Variants in EIPR1 observed in about 807,000 individuals in gnomAD.
EIPR1 encodes the protein EARP and GARP complex-interacting protein 1.
In EIPR1, 25 loss-of-function variants were observed where a neutral mutation model predicts 48.1. The ratio of observed to expected loss-of-function variants is 0.52; its 90% CI spans 0.38 to 0.73. The LOEUF (loss-of-function observed/expected upper bound fraction) is 0.73, where lower values mean the gene tolerates loss of function less well. Ranked by LOEUF, EIPR1 falls within the 30% of genes least tolerant of loss-of-function variation. The pLI is 0.00. For missense variants in EIPR1, 415 were observed against 506.2 expected (o/e 0.82, Z 1.73); for synonymous variants, 204 against 201.9 (o/e 1.01, Z -0.09).
intron 2 of EIPR1, 99 bp from the exon 3 acceptor site, chr2:3,338,248 G>A (rs1255368594): frequency 1.6e-5 from 22 of 1,382,980 alleles, no homozygotes; most frequent in South Asian, 4.0e-5. Flanking sequence ...TGCACATTTC[G>A]TGACAGATAC....
chr2:3,290,777 T>C (rs1668340726), intron 3 of EIPR1, among the ~76,000 whole-genome samples: 2 of 152,246 alleles, frequency 1.3e-5, no homozygotes, highest in African/African-American at 4.8e-5. Context: ...CCCCATGAAA[T>C]GGACCGTCGG....
intron 4 of EIPR1, among the ~76,000 whole-genome samples, chr2:3,227,161 A>AGAC (rs545480747): frequency 9.4e-4 from 143 of 151,702 alleles, no homozygotes; most frequent in African/African-American, 3.1e-3. Context: ...AGAGCTCAGA[A>AGAC]GACAGGAAAA....
chr2:3,218,955 C>G (rs1274843217), intron 4 of EIPR1, among the ~76,000 whole-genome samples: 1 of 151,138 alleles, frequency 6.6e-6, no homozygotes, highest in Non-Finnish European at 1.5e-5. Context: ...CAGGTGCACA[C>G]CCAGCAGGGC....
rs543432455 is a variant in EIPR1 at position 3,275,335 on chromosome 2, C to A, written c.260-17880G>T. 7.1e-4 allele frequency among the ~76,000 whole-genome samples: 107 copies of A among 149,998 alleles called. 1 individual carries two copies. In the South Asian group the frequency reaches 0.022, roughly 30 times the overall value. ...CAAAGGTTCAGAAACACAAAAAATT[C>A]TAAACTTATATGCCCTCAATAAAAT... On this transcript the variant is annotated intron_variant, in intron 3 of 8. Transcript: ENST00000382125.
chr2:3,190,769 T>G (rs1664578890), intron 8 of EIPR1, among the ~76,000 whole-genome samples: 1 of 151,840 alleles, frequency 6.6e-6, no homozygotes. Context: ...ACCGTGCGTG[T>G]GCTTAAATAC....
chr2:3,314,411 T>C (rs1669222235), intron 3 of EIPR1, among the ~76,000 whole-genome samples: 1 of 152,178 alleles, frequency 6.6e-6, no homozygotes, highest in East Asian at 1.9e-4. Flanking sequence ...TTATTCTCCA[T>C]CATGGGTGGA....
At chr2:3,202,172 T>C (rs575750672) in intron 5 of EIPR1, among the ~76,000 whole-genome samples, 213 of 152,210 alleles carry the variant, frequency 1.4e-3, no homozygotes, top group South Asian at 3.1e-3. Context: ...CTTCTGACCT[T>C]GTGATCCGTC....
At chr2:3,370,726 T>A (rs1293714751) in intron 1 of EIPR1, among the ~76,000 whole-genome samples, 1 of 152,068 alleles carries the variant, frequency 6.6e-6, no homozygotes, top group Non-Finnish European at 1.5e-5. Flanking sequence ...CTCCAAGAAA[T>A]ATGGGACTAT....
chr2:3,273,856 G>C (rs1667769480), intron 3 of EIPR1, among the ~76,000 whole-genome samples: 1 of 152,174 alleles, frequency 6.6e-6, no homozygotes, highest in Non-Finnish European at 1.5e-5. Context: ...ATGAGGGCAG[G>C]CCAAGAGAAC....
chr2:3,208,808 T>C (rs1665331806), intron 5 of EIPR1: 2 of 1,549,896 alleles, frequency 1.3e-6, no homozygotes, highest in African/African-American at 1.4e-5. Flanking sequence ...GTCCTCCTTC[T>C]GTGAGTGAGG....
At chr2:3,297,005 C>T (rs1668622050) in intron 3 of EIPR1, among the ~76,000 whole-genome samples, 1 of 151,664 alleles carries the variant, frequency 6.6e-6, no homozygotes, top group Non-Finnish European at 1.5e-5. Flanking sequence ...ATCTACTTCT[C>T]CCGGCACCCA....
Position 3,194,027 on chromosome 2 carries a change from C to T in EIPR1, c.793G>A (p.Val265Met), listed in dbSNP as rs149049035. ...TGGGAGTGCTCCTCCAGGGTCTTCA[C>T]GGGTTCGGTGACATTTCGGGTGTCC... is the stretch of plus-strand genomic sequence containing the variant. ...FWDTRNVTEPVKTLEEHSHWV... is the reference protein window; with the variant it reads ...FWDTRNVTEPMKTLEEHSHWV... The change falls in exon 7 of 9, where the codon GTG becomes ATG. Residue 265 changes from valine to methionine, a missense_variant. Transcript: ENST00000382125. 56 of 1,613,756 alleles carry T rather than the reference C, an allele frequency of 3.5e-5. No homozygotes were observed. Among genetic ancestry groups the T allele is most frequent in the South Asian group, 3.3e-4 (30 of 91,078 alleles).
intron 2 of EIPR1, among the ~76,000 whole-genome samples, chr2:3,349,518 G>A (rs139814694): frequency 2.0e-5 from 3 of 152,356 alleles, no homozygotes; most frequent in East Asian, 1.9e-4. Flanking sequence ...ACCACAAGAC[G>A]GGGATAAGGA....
Position 3,307,249 on chromosome 2 carries a change from A to C in EIPR1, c.259+30768T>G, listed in dbSNP as rs533816203. On this transcript the variant is annotated intron_variant, in intron 3 of 8. Coordinates refer to ENST00000382125, the MANE Select transcript of EIPR1 (RefSeq NM_003310.5). ...AGTGCTGGGATTACAGGTGTGAGCC[A>C]CTGTGCCCAGCCCAAATTCCAATAT... Among the ~76,000 whole-genome samples the C allele has an allele frequency of 5.9e-5, 9 of 152,306 alleles. No homozygotes were observed. The South Asian group carries it at 1.9e-3, about 32-fold the overall frequency.
At chr2:3,262,744 G>A (rs1667372293) in intron 3 of EIPR1, among the ~76,000 whole-genome samples, 2 of 152,244 alleles carry the variant, frequency 1.3e-5, no homozygotes, top group African/African-American at 4.8e-5. Context: ...ACAGAACCAT[G>A]TCTTTTGATA....
chr2:3,255,820 TGTGCACACATAC>T (rs1402816507), intron 4 of EIPR1, among the ~76,000 whole-genome samples: 3 of 26,410 alleles, frequency 1.1e-4, no homozygotes, highest in African/African-American at 2.8e-4. Context: ...CATACACAAA[TGTGCACACATAC>T]GTGTGCACAG....
At chr2:3,267,856 C>A (rs932963688) in intron 3 of EIPR1, among the ~76,000 whole-genome samples, 2 of 152,216 alleles carry the variant, frequency 1.3e-5, no homozygotes, top group African/African-American at 4.8e-5. Flanking sequence ...ACTCTCTGGC[C>A]CTTTAAGGAA....
intron 1 of EIPR1, among the ~76,000 whole-genome samples, chr2:3,365,632 G>A (rs532538427): frequency 2.0e-5 from 3 of 150,202 alleles, no homozygotes; most frequent in Admixed American, 1.3e-4. Flanking sequence ...AGGACCCTGC[G>A]GCCTTCCGCA....
At chr2:3,287,975 T>C (rs1668258318) in intron 3 of EIPR1, among the ~76,000 whole-genome samples, 2 of 152,208 alleles carry the variant, frequency 1.3e-5, no homozygotes, top group Admixed American at 1.3e-4. Context: ...CTGCCTGCAC[T>C]AAGGGGTAAT....
Sources: gnomAD v4.1 joint callset for allele counts (sites outside exome capture counted in the v4.1 genomes callset) on GRCh38, gnomAD v4.1.1 for gene constraint, MANE v1.5 for transcripts, NCBI Gene and HGNC (gene_info 2026-07-23, HGNC 2026-07-21) for gene names.